Variants in ARNT observed in about 807,000 individuals in gnomAD.
ARNT encodes aryl hydrocarbon receptor nuclear translocator.
A neutral mutation model predicts 105.0 loss-of-function variants in ARNT; 30 were observed. The observed-to-expected ratio is 0.29, with a 90% CI of 0.21 to 0.39. The LOEUF (loss-of-function observed/expected upper bound fraction) is 0.39, where lower values mean the gene tolerates loss of function less well. ARNT is among the 10% of genes least tolerant of loss of function. The pLI is 1.00. For synonymous variants in ARNT, 304 were observed against 344.0 expected (o/e 0.88, Z 1.29); for missense variants, 748 against 978.7 (o/e 0.76, Z 3.15).
At chr1:150,872,644 C>A (rs1667632272) in intron 1 of ARNT, among the ~76,000 whole-genome samples, 1 of 152,178 alleles carries the variant, frequency 6.6e-6, no homozygotes, top group Non-Finnish European at 1.5e-5. Flanking sequence ...CAATGCATTA[C>A]AAATGACACA....
chr1:150,820,668 CAAAA>C (rs1238675021), intron 14 of ARNT, among the ~76,000 whole-genome samples: 1 of 112,122 alleles, frequency 8.9e-6, no homozygotes, highest in Non-Finnish European at 2.1e-5. Flanking sequence ...AAAAACAAAA[CAAAA>C]CAAAACAAAA....
At position 150,828,339 on chromosome 1, in the gene ARNT, GTTTTTTTTTTGTTTT is replaced by G. The variant is rs1658678564; in HGVS notation, c.1167+739_1167+753del. Among the ~76,000 whole-genome samples, 8 of 90,288 alleles carry G rather than the reference GTTTTTTTTTTGTTTT, an allele frequency of 8.9e-5. No homozygotes were observed. The South Asian group carries it at 2.9e-3, about 33-fold the overall frequency. 59.2% of individuals were successfully genotyped at this position (90,288 alleles called of 152,430 possible). A position where few individuals can be genotyped will look rare whatever the true frequency, so the allele number is the denominator to read the frequency against. ...CTATGTGTTTTCATTTTTGGGTGTGGTTTTTTTTTTGTTTTTTTTTTTTTTTGCATACAGATATCC... is the reference window on the plus strand; with the variant it reads ...CTATGTGTTTTCATTTTTGGGTGTGGTTTTTTTTTTTGCATACAGATATCC... On this transcript the variant is annotated intron_variant, in intron 12 of 21. Transcript: ENST00000358595.
At chr1:150,830,022 A>C in intron 10 of ARNT, 42 bp from the exon 11 acceptor site, 1 of 1,601,452 alleles carries the variant, frequency 6.2e-7, no homozygotes, top group Non-Finnish European at 8.6e-7. Context: ...GGGACCTCCA[A>C]CTCAAATGCC....
intron 1 of ARNT, among the ~76,000 whole-genome samples, chr1:150,872,682 C>A (rs1667637880): frequency 6.6e-6 from 1 of 152,212 alleles, no homozygotes; most frequent in Admixed American, 6.5e-5. Context: ...TCCACCTTGG[C>A]TGGGCATGGT....
At chr1:150,819,314 A>T (rs1044568541) in intron 14 of ARNT, among the ~76,000 whole-genome samples, 7 of 152,250 alleles carry the variant, frequency 4.6e-5, no homozygotes, top group African/African-American at 1.7e-4. Context: ...AGCTTTGGAA[A>T]ACAGTTTGGC....
intron 2 of ARNT, among the ~76,000 whole-genome samples, chr1:150,857,654 C>G (rs912540216): frequency 1.9e-4 from 29 of 152,268 alleles, no homozygotes; most frequent in Non-Finnish European, 3.4e-4. Flanking sequence ...TTCTTCCAGG[C>G]CCCTCTAAGG....
chr1:150,822,695 A>C (rs1335993386), intron 14 of ARNT, among the ~76,000 whole-genome samples: 1 of 152,162 alleles, frequency 6.6e-6, no homozygotes, highest in Non-Finnish European at 1.5e-5. Context: ...GAGCCATTCA[A>C]GCAAATTGAC....
chr1:150,870,074 G>C (rs587623629), intron 1 of ARNT, among the ~76,000 whole-genome samples: 1 of 152,196 alleles, frequency 6.6e-6, no homozygotes, highest in African/African-American at 2.4e-5. Flanking sequence ...TGGAGATTAA[G>C]AATGATGACT....
intron 3 of ARNT, among the ~76,000 whole-genome samples, chr1:150,846,710 T>TA (rs1662277692): frequency 1.3e-5 from 2 of 152,274 alleles, no homozygotes; most frequent in African/African-American, 4.8e-5. Context: ...GTGCAACAGA[T>TA]ATCTAGAACT....
chr1:150,812,207 C>G (rs1654873507), intron 21 of ARNT, 97 bp from the exon 22 acceptor site: 1 of 868,928 alleles, frequency 1.2e-6, no homozygotes, highest in Admixed American at 3.3e-5. Flanking sequence ...CATCCCTGAC[C>G]CCGAGTCTTT....
At chr1:150,843,766 A>G (rs890284830) in intron 4 of ARNT, among the ~76,000 whole-genome samples, 1 of 152,184 alleles carries the variant, frequency 6.6e-6, no homozygotes, top group African/African-American at 2.4e-5. Context: ...AACAGGACTA[A>G]CCAGGCATGG....
intron 1 of ARNT, among the ~76,000 whole-genome samples, chr1:150,859,343 A>C (rs1262853199): frequency 7.0e-5 from 10 of 142,992 alleles, no homozygotes; most frequent in Admixed American, 7.0e-5. Context: ...ACAGCTGAGT[A>C]CTTTTTTTTT....
chr1:150,857,256 A>G (rs1321313368), intron 2 of ARNT, among the ~76,000 whole-genome samples: 1 of 152,158 alleles, frequency 6.6e-6, no homozygotes, highest in African/African-American at 2.4e-5. Context: ...TAAATATACT[A>G]TGACTTTCTC....
chr1:150,832,301 C>T, intron 9 of ARNT, 33 bp downstream of exon 9: 2 of 1,611,024 alleles, frequency 1.2e-6, no homozygotes, highest in East Asian at 4.5e-5. Context: ...GGTATTTGGC[C>T]ATCCCTTTGG....
At chr1:150,816,520 G>C in intron 18 of ARNT, 114 bp from the exon 19 acceptor site, 2 of 1,295,412 alleles carry the variant, frequency 1.5e-6, no homozygotes, top group Non-Finnish European at 2.1e-6. Flanking sequence ...TGCAGGTTAA[G>C]GAAAATTTGA....
At chr1:150,871,630 C>T (rs1445807466) in intron 1 of ARNT, among the ~76,000 whole-genome samples, 4 of 147,708 alleles carry the variant, frequency 2.7e-5, no homozygotes, top group African/African-American at 1.0e-4. Context: ...CAGATGGCGG[C>T]GGAGCATGGC....
intron 14 of ARNT, among the ~76,000 whole-genome samples, chr1:150,821,658 A>AT (rs1415452504): frequency 6.6e-6 from 1 of 151,178 alleles, no homozygotes; most frequent in South Asian, 2.1e-4. Context: ...TTTTATTTTT[A>AT]TTTTTTTTGA....
At chr1:150,823,644 G>A (rs587685430) in intron 13 of ARNT, among the ~76,000 whole-genome samples, 8 of 150,810 alleles carry the variant, frequency 5.3e-5, no homozygotes, top group South Asian at 4.2e-4. Context: ...ACCACCCCTC[G>A]GGTTCAAGCG....
intron 9 of ARNT, among the ~76,000 whole-genome samples, 185 bp from the exon 10 acceptor site, chr1:150,832,088 T>C (rs879087758): frequency 7.9e-5 from 12 of 152,178 alleles, no homozygotes; most frequent in Non-Finnish European, 1.3e-4. Context: ...CCAAAAGGTA[T>C]GCAGTAGGAG....
Sources: allele counts gnomAD v4.1 joint callset (sites outside exome capture counted in the v4.1 genomes callset), GRCh38; gene constraint gnomAD v4.1.1; transcripts MANE v1.5; gene names NCBI Gene and HGNC (gene_info 2026-07-23, HGNC 2026-07-21).